The following KCNAB1 variants were observed in gnomAD, a reference collection of about 807,000 sequenced individuals.
KCNAB1 encodes potassium voltage-gated channel subfamily A regulatory beta subunit 1, also known as voltage-gated potassium channel subunit beta-1.
Under a neutral mutation model 64.6 loss-of-function variants are expected in KCNAB1, and 35 were observed. The observed-to-expected ratio is 0.54, with a 90% confidence interval of 0.41 to 0.72. The LOEUF is 0.72. Among genes scored for constraint, KCNAB1 ranks in the 30% least tolerant of loss-of-function variants. KCNAB1 has a pLI of 0.00. For synonymous variants in KCNAB1, 177 were observed against 183.8 expected, an observed-to-expected ratio of 0.96 and a Z score of 0.30; for missense variants, 401 against 512.9, an observed-to-expected ratio of 0.78 and a Z score of 2.11.
At chr3:156,338,877 G>A (rs899943903) in intron 1 of KCNAB1, among the ~76,000 whole-genome samples, 1 of 152,186 alleles carries the variant, frequency 6.6e-6, no homozygotes, top group Non-Finnish European at 1.5e-5. Context: ...CAGGTGGGCA[G>A]TGTCACAGGC....
At chr3:156,143,196 T>C in intron 1 of KCNAB1, 1 of 1,610,460 alleles carries the variant, frequency 6.2e-7, no homozygotes, top group Non-Finnish European at 8.5e-7. Flanking sequence ...TGTATAAACC[T>C]GCCTGTGCAG....
At chr3:156,199,625 G>T (rs1284982198) in intron 1 of KCNAB1, among the ~76,000 whole-genome samples, 3 of 152,094 alleles carry the variant, frequency 2.0e-5, no homozygotes, top group Non-Finnish European at 4.4e-5. Flanking sequence ...TGATACTTGT[G>T]TATGCTTCAC....
chr3:156,459,041 A>C (rs1193295066), intron 4 of KCNAB1, among the ~76,000 whole-genome samples: 2 of 152,230 alleles, frequency 1.3e-5, no homozygotes, highest in Non-Finnish European at 2.9e-5. Flanking sequence ...AATAATGACT[A>C]GCCATGACTC....
intron 1 of KCNAB1, among the ~76,000 whole-genome samples, chr3:156,262,024 T>C (rs1718462162): frequency 6.6e-6 from 1 of 151,980 alleles, no homozygotes; most frequent in Non-Finnish European, 1.5e-5. Flanking sequence ...GGCTGTTCAT[T>C]GCTAGTATAT....
chr3:156,319,419 G>A (rs1722507977), intron 1 of KCNAB1, among the ~76,000 whole-genome samples: 1 of 152,196 alleles, frequency 6.6e-6, no homozygotes, highest in South Asian at 2.1e-4. Flanking sequence ...AGTGAGCATG[G>A]CAAATGGTAC....
intron 1 of KCNAB1, among the ~76,000 whole-genome samples, chr3:156,361,492 TA>T (rs1725608935): frequency 6.6e-6 from 1 of 152,082 alleles, no homozygotes; most frequent in Non-Finnish European, 1.5e-5. Flanking sequence ...GAATAATATA[TA>T]CACACACATA....
chr3:156,515,010 A>G, intron 9 of KCNAB1, 90 bp from the exon 10 acceptor site: 2 of 1,329,390 alleles, frequency 1.5e-6, no homozygotes, highest in South Asian at 1.7e-5. Flanking sequence ...TACTGATTTC[A>G]CCAAAGTAAA....
At chr3:156,123,189 T>C (rs558261392) in intron 1 of KCNAB1, among the ~76,000 whole-genome samples, 2 of 152,348 alleles carry the variant, frequency 1.3e-5, no homozygotes, top group African/African-American at 4.8e-5. Context: ...TATTAACAAA[T>C]TTATCCACCT....
At chr3:156,487,777 GTAAT>G (rs1347351035) in intron 8 of KCNAB1, among the ~76,000 whole-genome samples, 1 of 151,816 alleles carries the variant, frequency 6.6e-6, no homozygotes, top group Non-Finnish European at 1.5e-5. Flanking sequence ...AGCAAGTTTG[GTAAT>G]TAAACAAACC....
At chr3:156,210,964 G>A (rs917583361) in intron 1 of KCNAB1, among the ~76,000 whole-genome samples, 1 of 152,200 alleles carries the variant, frequency 6.6e-6, no homozygotes, top group Non-Finnish European at 1.5e-5. Flanking sequence ...AGCAGAGTTG[G>A]CCAAATGCAA....
rs181574006 is a variant in KCNAB1, at chr3:156,265,716, C to T, written c.275+144830C>T. 5.3e-5 allele frequency among the ~76,000 whole-genome samples: 8 copies of T among 152,252 alleles called. No individual in the cohort carries two copies. The East Asian group carries it at 9.6e-4, about 18-fold the overall frequency. Reference sequence around the variant, plus strand: ...TCCTAATCTCTAAAACCTGTGAGGCCGGGTGCAGTGGCTCATGCCTGTAAT... The same window carrying T: ...TCCTAATCTCTAAAACCTGTGAGGCTGGGTGCAGTGGCTCATGCCTGTAAT... On this transcript the variant is annotated intron_variant, in intron 1 of 13. Coordinates refer to ENST00000490337, the MANE Select transcript of KCNAB1 (RefSeq NM_172160.3).
intron 1 of KCNAB1, among the ~76,000 whole-genome samples, chr3:156,221,828 T>A (rs897012813): frequency 6.9e-6 from 1 of 144,172 alleles, no homozygotes; most frequent in Admixed American, 7.1e-5. Context: ...GCTTCATAAA[T>A]GAAGGAAAGA....
At chr3:156,194,353 A>T (rs1713751453) in intron 1 of KCNAB1, among the ~76,000 whole-genome samples, 1 of 152,122 alleles carries the variant, frequency 6.6e-6, no homozygotes, top group African/African-American at 2.4e-5. Flanking sequence ...ATTTTCACTT[A>T]ATATAGAATT....
intron 1 of KCNAB1, among the ~76,000 whole-genome samples, chr3:156,133,376 G>A (rs1009423555): frequency 2.6e-5 from 4 of 152,256 alleles, no homozygotes; most frequent in Non-Finnish European, 5.9e-5. Flanking sequence ...TGTTTTAAAA[G>A]TATTTTCAGT....
chr3:156,294,735 A>T (rs1720672512), intron 1 of KCNAB1, among the ~76,000 whole-genome samples: 1 of 152,250 alleles, frequency 6.6e-6, no homozygotes, highest in Non-Finnish European at 1.5e-5. Flanking sequence ...AATTGTGGTC[A>T]CAATTTCATC....
intron 1 of KCNAB1, among the ~76,000 whole-genome samples, chr3:156,160,872 G>A (rs1424250883): frequency 1.3e-5 from 2 of 152,206 alleles, no homozygotes; most frequent in East Asian, 1.9e-4. Context: ...GATCTAATTA[G>A]GCCCGGAGGT....
chr3:156,211,471 A>C (rs1026293498), intron 1 of KCNAB1, among the ~76,000 whole-genome samples: 1 of 152,250 alleles, frequency 6.6e-6, no homozygotes, highest in Non-Finnish European at 1.5e-5. Context: ...AAACAGGTAG[A>C]TGCCTTTCAG....
At chr3:156,392,798 G>C (rs576200824) in intron 1 of KCNAB1, among the ~76,000 whole-genome samples, 1 of 152,150 alleles carries the variant, frequency 6.6e-6, no homozygotes, top group Non-Finnish European at 1.5e-5. Context: ...TTACGTTCCT[G>C]ATGTAAATCC....
intron 1 of KCNAB1, among the ~76,000 whole-genome samples, chr3:156,240,660 C>G (rs1717113975): frequency 6.6e-6 from 1 of 152,194 alleles, no homozygotes. Flanking sequence ...CTTCTCCTCA[C>G]TTATTCTCCT....
Sources: allele counts gnomAD v4.1 joint callset (sites outside exome capture counted in the v4.1 genomes callset), GRCh38; gene constraint gnomAD v4.1.1; transcripts MANE v1.5; gene names NCBI Gene and HGNC (gene_info 2026-07-23, HGNC 2026-07-21).